Variants in KIF13B observed in about 807,000 individuals in gnomAD.
KIF13B encodes the protein kinesin-like protein KIF13B.
Under a neutral mutation model 222.0 loss-of-function variants are expected in KIF13B, and 127 were observed. The observed-to-expected ratio is 0.57, with a 90% confidence interval of 0.50 to 0.66. The LOEUF (loss-of-function observed/expected upper bound fraction) is 0.66. Ranked by LOEUF, KIF13B falls within the 30% of genes least tolerant of loss-of-function variation. The pLI is 0.00. For synonymous variants in KIF13B, 976 were observed against 919.0 expected (o/e 1.06, Z -1.12); for missense variants, 2,173 against 2,379.0 (o/e 0.91, Z 1.80).
intron 1 of KIF13B, 97 bp downstream of exon 1, chr8:29,262,883 G>GTCA: frequency 1.0e-6 from 1 of 986,988 alleles, no homozygotes; most frequent in Non-Finnish European, 1.4e-6. Flanking sequence ...GCTGACTATA[G>GTCA]GGGCGGGGCC....
rs565231570 is a variant in KIF13B at position 29,122,256 on chromosome 8, A to AAAAT, written c.3535+331_3535+334dup. ...GTGACAGATCAAGACTCTGTCTCAA[A>AAAAT]AAATAAATAAATAAATAAATAAATT... On this transcript the variant is annotated intron_variant, in intron 29 of 39. Coordinates refer to ENST00000524189, the MANE Select transcript of KIF13B (RefSeq NM_015254.4). Among the ~76,000 whole-genome samples the AAAAT allele has an allele frequency of 3.6e-3, 545 of 152,226 alleles. 6 individuals carry two copies. The highest frequency in any genetic ancestry group is 0.012 in the African/African-American group (493 of 41,524).
At chr8:29,151,828 C>T (rs752373947) in intron 14 of KIF13B, among the ~76,000 whole-genome samples, 12 of 139,248 alleles carry the variant, frequency 8.6e-5, no homozygotes, top group Admixed American at 1.4e-4. Flanking sequence ...GCCCATGGAT[C>T]AAGAATTTTC....
At position 29,193,222 on chromosome 8, in the gene KIF13B, G is replaced by C. The variant is rs1418010309; in HGVS notation, c.163-2165C>G. On this transcript the variant is annotated intron_variant, in intron 3 of 39. Coordinates refer to ENST00000524189, the MANE Select transcript of KIF13B (RefSeq NM_015254.4). ...CCTTGGGCCCAGAAGACATCATCCA[G>C]CTGCAGTGTTGTGTTACACACTGCT... is the stretch of plus-strand genomic sequence containing the variant. Among the ~76,000 whole-genome samples, 9 of 152,172 alleles carry C rather than the reference G, an allele frequency of 5.9e-5. No individual in the cohort carries two copies. The East Asian group carries it at 1.7e-3, about 29-fold the overall frequency.
At position 29,070,912 on chromosome 8, in the gene KIF13B, G is replaced by T; in HGVS notation, c.5219-146C>A. On this transcript the variant is annotated intron_variant, in intron 39 of 39. Coordinates refer to ENST00000524189, the MANE Select transcript of KIF13B (RefSeq NM_015254.4). This position sits in a 1 kb window ranked among gnomAD's most constrained non-coding sequence, Gnocchi z 4.1. ...AGCCAGCACTCGGACACTGGCCATT[G>T]TCTGGCAGGGACTGGCTAAATGAAT... The T allele has an allele frequency of 1.1e-6, 1 of 911,746 alleles. No homozygotes were observed. The highest frequency in any genetic ancestry group is 1.7e-6 in the Non-Finnish European group (1 of 602,992). 56.5% of individuals were successfully genotyped at this position (911,746 alleles called of 1,614,324 possible).
chr8:29,094,994 C>T (rs1256360536), intron 36 of KIF13B, among the ~76,000 whole-genome samples: 1 of 151,204 alleles, frequency 6.6e-6, no homozygotes, highest in Non-Finnish European at 1.5e-5. Context: ...AGAACAGAGC[C>T]TCTGTGACCT....
intron 2 of KIF13B, among the ~76,000 whole-genome samples, chr8:29,218,067 G>A (rs1246242461): frequency 1.3e-5 from 2 of 152,076 alleles, no homozygotes; most frequent in Admixed American, 6.5e-5. Context: ...TATAAGCACC[G>A]TTACACTGTG....
chr8:29,141,163 G>A (rs750458934), intron 19 of KIF13B, among the ~76,000 whole-genome samples: 2 of 152,034 alleles, frequency 1.3e-5, no homozygotes, highest in Non-Finnish European at 2.9e-5. Flanking sequence ...GTGAAATCCC[G>A]TCTCTAATAA....
intron 13 of KIF13B, among the ~76,000 whole-genome samples, chr8:29,160,213 C>T (rs888089946): frequency 6.6e-6 from 1 of 152,218 alleles, no homozygotes; most frequent in Non-Finnish European, 1.5e-5. Flanking sequence ...TGTGCTCTGA[C>T]TCACTGAGTC....
intron 2 of KIF13B, among the ~76,000 whole-genome samples, chr8:29,211,119 T>C (rs972307629): frequency 2.6e-5 from 4 of 152,212 alleles, no homozygotes; most frequent in African/African-American, 9.6e-5. Flanking sequence ...TTCTTCTAAT[T>C]GGTCTGGCCA....
At chr8:29,123,755 C>G (rs1249031729) in intron 27 of KIF13B, among the ~76,000 whole-genome samples, 1 of 152,156 alleles carries the variant, frequency 6.6e-6, no homozygotes, top group Non-Finnish European at 1.5e-5. Context: ...AGAAAAGTTA[C>G]CACCTTCCTT....
At chr8:29,122,425 G>A (rs1246747020) in intron 29 of KIF13B, among the ~76,000 whole-genome samples, 166 bp downstream of exon 29, 1 of 152,184 alleles carries the variant, frequency 6.6e-6, no homozygotes, top group Non-Finnish European at 1.5e-5. Context: ...ATGAGACTAT[G>A]ACACACCAAT....
chr8:29,214,889 G>A (rs1018958272), intron 2 of KIF13B, among the ~76,000 whole-genome samples: 9 of 152,142 alleles, frequency 5.9e-5, no homozygotes, highest in African/African-American at 2.2e-4. Flanking sequence ...ACCTTCATAT[G>A]AGCAGTCCAT....
intron 2 of KIF13B, among the ~76,000 whole-genome samples, chr8:29,206,046 G>A (rs1370244539): frequency 6.6e-6 from 1 of 152,080 alleles, no homozygotes; most frequent in African/African-American, 2.4e-5. Context: ...AGCTATGATT[G>A]TGCCACTGAA....
chr8:29,187,649 C>T (rs948945481), intron 5 of KIF13B, among the ~76,000 whole-genome samples: 2 of 152,214 alleles, frequency 1.3e-5, no homozygotes, highest in Non-Finnish European at 2.9e-5. Flanking sequence ...AAACCAGTAA[C>T]TACTGACACT....
chr8:29,102,792 T>C (rs1455045223), intron 35 of KIF13B, among the ~76,000 whole-genome samples: 1 of 152,238 alleles, frequency 6.6e-6, no homozygotes, highest in Admixed American at 6.5e-5. Flanking sequence ...AGGAAGGCGA[T>C]GGAGCCAACA....
At chr8:29,212,322 A>G (rs1442317945) in intron 2 of KIF13B, among the ~76,000 whole-genome samples, 1 of 152,206 alleles carries the variant, frequency 6.6e-6, no homozygotes, top group Non-Finnish European at 1.5e-5. Flanking sequence ...TCAGCAAGAC[A>G]TGAGAGTCAC....
intron 20 of KIF13B, 110 bp downstream of exon 20, chr8:29,140,358 G>A (rs1470309316): frequency 3.6e-6 from 5 of 1,385,816 alleles, no homozygotes; most frequent in Admixed American, 2.3e-5. Flanking sequence ...GGAAACACAA[G>A]GTATTAATAA....
intron 30 of KIF13B, 38 bp downstream of exon 30, chr8:29,118,830 A>G: frequency 2.5e-6 from 4 of 1,609,066 alleles, no homozygotes; most frequent in Non-Finnish European, 3.4e-6. Context: ...TAAGGAAACC[A>G]CTTTTCATCT....
chr8:29,160,690 C>T (rs1481966054), intron 13 of KIF13B, 43 bp downstream of exon 13: 4 of 1,574,976 alleles, frequency 2.5e-6, no homozygotes, highest in East Asian at 2.3e-5. Flanking sequence ...AAATATTGTC[C>T]TATTTTGTAA....
Sources: gnomAD v4.1 joint callset for allele counts (sites outside exome capture counted in the v4.1 genomes callset) on GRCh38, gnomAD v4.1.1 for gene constraint, Gnocchi (gnomAD v3.1) non-coding constraint, MANE v1.5 for transcripts, NCBI Gene and HGNC (gene_info 2026-07-23, HGNC 2026-07-21) for gene names.